The following ATP13A4 variants were observed in gnomAD, a reference collection of about 807,000 sequenced individuals.
ATP13A4 encodes probable cation-transporting ATPase 13A4.
Under a neutral mutation model 142.5 loss-of-function variants are expected in ATP13A4, and 114 were observed. The observed-to-expected ratio is 0.80, with a 90% CI of 0.69 to 0.93. The LOEUF is 0.93. Ranked by LOEUF, ATP13A4 falls within the 40% of genes least tolerant of loss-of-function variation. ATP13A4 has a pLI of 0.00. For missense variants in ATP13A4, 1,392 were observed against 1,454.0 expected (o/e 0.96, Z 0.69); for synonymous variants, 488 against 514.8 (o/e 0.95, Z 0.70).
At chr3:193,406,959 A>C (rs1035550034) in intron 29 of ATP13A4, among the ~76,000 whole-genome samples, 1 of 152,212 alleles carries the variant, frequency 6.6e-6, no homozygotes, top group African/African-American at 2.4e-5. Flanking sequence ...CAGTGAGTGC[A>C]CTAAACACTA....
At chr3:193,448,423 G>T in intron 17 of ATP13A4, 93 bp from the exon 18 acceptor site, 7 of 1,486,854 alleles carry the variant, frequency 4.7e-6, no homozygotes, top group Non-Finnish European at 6.5e-6. Flanking sequence ...CCAGGCTGGA[G>T]GACAGTGGTT....
intron 1 of ATP13A4, among the ~76,000 whole-genome samples, chr3:193,529,021 C>A (rs1577054448): frequency 1.3e-5 from 2 of 152,130 alleles, no homozygotes; most frequent in Non-Finnish European, 2.9e-5. Flanking sequence ...CCTGTAATCC[C>A]AGCACTTTGG....
At chr3:193,440,217 G>A (rs1174307227) in intron 21 of ATP13A4, 1 of 293,748 alleles carries the variant, frequency 3.4e-6, no homozygotes, top group East Asian at 7.9e-5. Context: ...TGTCCCTCCA[G>A]GAGCTGAGCT....
At chr3:193,525,147 A>G (rs886860149) in intron 1 of ATP13A4, among the ~76,000 whole-genome samples, 3 of 152,258 alleles carry the variant, frequency 2.0e-5, no homozygotes, top group African/African-American at 7.2e-5. Flanking sequence ...ATTTTATTGT[A>G]AGGATTCTAG....
chr3:193,441,131 T>C (rs1716615371), intron 20 of ATP13A4, among the ~76,000 whole-genome samples: 1 of 152,128 alleles, frequency 6.6e-6, no homozygotes, highest in African/African-American at 2.4e-5. Context: ...CTTGGTCTGC[T>C]TTCCTGTGTA....
At chr3:193,548,389 T>A (rs1258909326) in intron 1 of ATP13A4, among the ~76,000 whole-genome samples, 1 of 152,226 alleles carries the variant, frequency 6.6e-6, no homozygotes, top group East Asian at 1.9e-4. Context: ...GCAGGGTCCC[T>A]GTCTTCAAGA....
chr3:193,577,110 G>A (rs923633031), intron 2 of ATP13A4, among the ~76,000 whole-genome samples: 7 of 152,144 alleles, frequency 4.6e-5, no homozygotes, highest in Non-Finnish European at 1.0e-4. Flanking sequence ...AGGCCTCCTG[G>A]TTTTAGTCTT....
chr3:193,558,316 T>C (rs971089869), upstream of ATP13A4, among the ~76,000 whole-genome samples: 1 of 152,240 alleles, frequency 6.6e-6, no homozygotes, highest in Non-Finnish European at 1.5e-5. Context: ...TTCTATTCTA[T>C]ACTCTACGTG....
At chr3:193,479,859 T>G (rs558577691) in intron 8 of ATP13A4, among the ~76,000 whole-genome samples, 1 of 152,262 alleles carries the variant, frequency 6.6e-6, no homozygotes, top group East Asian at 1.9e-4. Flanking sequence ...ATTACCCAAC[T>G]TCAAACTATA....
chr3:193,478,187 G>A (rs1170441073), intron 8 of ATP13A4, among the ~76,000 whole-genome samples: 1 of 151,588 alleles, frequency 6.6e-6, no homozygotes, highest in Non-Finnish European at 1.5e-5. Flanking sequence ...AGCACAAATA[G>A]ACAATCTCAG....
chr3:193,524,920 G>C (rs1577050598), intron 1 of ATP13A4, among the ~76,000 whole-genome samples: 1 of 152,128 alleles, frequency 6.6e-6, no homozygotes, highest in Admixed American at 6.5e-5. Flanking sequence ...TAGCTACCCA[G>C]TCAGTCTCTA....
rs187265478 is a variant in ATP13A4, at chr3:193,423,303, G to A, written c.2843-8553C>T. On this transcript the variant is annotated intron_variant, in intron 25 of 29. Transcript: ENST00000342695. ...AAACATTTAAAGAAGAACTAATATCGATTCTATTCAAACTATCCCTAAACA... is the reference window on the plus strand; with the variant it reads ...AAACATTTAAAGAAGAACTAATATCAATTCTATTCAAACTATCCCTAAACA... Among the ~76,000 whole-genome samples, 6 of 149,338 alleles carry A rather than the reference G, an allele frequency of 4.0e-5. 1 individual carries two copies. In the East Asian group the frequency reaches 6.3e-4, roughly 16 times the overall value.
At chr3:193,541,248 CAAAAAA>C (rs71179308) in intron 1 of ATP13A4, among the ~76,000 whole-genome samples, 1 of 51,298 alleles carries the variant, frequency 1.9e-5, no homozygotes, top group Admixed American at 2.1e-4. Flanking sequence ...GACTCCTTCT[CAAAAAA>C]AAAAAAAAAA....
At chr3:193,486,142 C>T (rs976379633) in intron 7 of ATP13A4, among the ~76,000 whole-genome samples, 6 of 149,608 alleles carry the variant, frequency 4.0e-5, no homozygotes, top group Admixed American at 2.7e-4. Context: ...TGGTAAATAC[C>T]AAATGTTTAA....
In ATP13A4 at chr3:193,404,037, C is replaced by T. The variant is rs184583337; in HGVS notation, c.3379-1173G>A. 3.5e-3 allele frequency: 3,482 copies of T among 985,322 alleles called. 7 individuals are homozygous for T. The highest frequency in any genetic ancestry group is 3.9e-3 in the Non-Finnish European group (3,276 of 829,906). 61.0% of individuals were successfully genotyped at this position (985,322 alleles called of 1,614,324 possible). ...GTGATAACTGACCATCTGCTGGCTG[C>T]GGGGCTGTTAAAGATCCATATAACC... On this transcript the variant is annotated intron_variant, in intron 29 of 29. Transcript: ENST00000342695.
chr3:193,522,388 T>C (rs1040981272), intron 1 of ATP13A4, among the ~76,000 whole-genome samples: 1 of 152,200 alleles, frequency 6.6e-6, no homozygotes, highest in Non-Finnish European at 1.5e-5. Flanking sequence ...CCTAAATATC[T>C]ATTTTGTCAT....
chr3:193,562,619 C>T (rs529300437), intron 2 of ATP13A4, among the ~76,000 whole-genome samples: 2 of 152,278 alleles, frequency 1.3e-5, no homozygotes, highest in South Asian at 4.1e-4. Flanking sequence ...AGCCTGTAAT[C>T]CCAGCACTTT....
intron 9 of ATP13A4, among the ~76,000 whole-genome samples, chr3:193,470,491 A>T (rs185071854): frequency 1.3e-5 from 2 of 152,344 alleles, no homozygotes; most frequent in Non-Finnish European, 2.9e-5. Flanking sequence ...AAGTTTATTT[A>T]AAAACATGCT....
intron 21 of ATP13A4, chr3:193,440,352 C>G (rs1716554761): frequency 2.1e-6 from 2 of 943,462 alleles, no homozygotes; most frequent in Non-Finnish European, 3.0e-6. Context: ...TTTTTAAGCC[C>G]CATATAAACA....
Sources: gnomAD v4.1 joint callset for allele counts (sites outside exome capture counted in the v4.1 genomes callset) on GRCh38, gnomAD v4.1.1 for gene constraint, MANE v1.5 for transcripts, NCBI Gene and HGNC (gene_info 2026-07-23, HGNC 2026-07-21) for gene names.